Variants in ADAM17 observed in about 807,000 individuals in gnomAD.
ADAM17 encodes ADAM metallopeptidase domain 17, also known as disintegrin and metalloproteinase domain-containing protein 17.
ADAM17 carries 39 observed loss-of-function variants against 96.7 expected under a neutral mutation model. The observed-to-expected ratio is 0.40, with a 90% CI of 0.31 to 0.53. ADAM17 has a LOEUF of 0.53. Among genes scored for constraint, ADAM17 ranks in the 20% least tolerant of loss-of-function variants. The pLI, the probability that ADAM17 is intolerant of heterozygous loss-of-function variation, is 0.44. For synonymous variants in ADAM17, 344 were observed against 359.2 expected, an observed-to-expected ratio of 0.96 and a Z score of 0.48; for missense variants, 777 against 1,013.2, an observed-to-expected ratio of 0.77 and a Z score of 3.17.
intron 12 of ADAM17, among the ~76,000 whole-genome samples, chr2:9,504,586 G>A (rs540778005): frequency 6.6e-6 from 1 of 152,014 alleles, no homozygotes; most frequent in Admixed American, 6.6e-5. Context: ...CCACCGTAGT[G>A]AAACCTCGTC....
rs74537368 is a variant in ADAM17 at position 9,555,440 on chromosome 2, A to T, written c.97+69T>A. 3.0e-4 allele frequency: 404 copies of T among 1,353,924 alleles called. No homozygotes were observed. The African/African-American group carries it at 5.3e-3, about 18-fold the overall frequency. The allele number at this position is 1,353,924 out of a possible 1,614,324, so 83.9% of individuals were successfully genotyped here. ...CCGCCCCCAAACACCTGATAGACCC[A>T]GCTCCCCTGCTCTTCCCTCAAACGA... On this transcript the variant is annotated intron_variant, in intron 1 of 18. Transcript: ENST00000310823.
intron 8 of ADAM17, among the ~76,000 whole-genome samples, chr2:9,520,808 A>G (rs1664274361): frequency 6.6e-6 from 1 of 151,820 alleles, no homozygotes; most frequent in East Asian, 1.9e-4. Context: ...TACTAAAAAT[A>G]CAAAAATTAG....
In ADAM17 at chr2:9,533,715, T is replaced by C. The variant is rs142511671; in HGVS notation, c.450+2119A>G. The stretch of plus-strand genomic sequence containing the variant: ...CAGAGATAAAGTGTTCTAGAATGTA[T>C]TGAACGGAAGGCCATTTCCAAGCCT... On this transcript the variant is annotated intron_variant, in intron 4 of 18. Coordinates refer to ENST00000310823, the MANE Select transcript of ADAM17 (RefSeq NM_003183.6). 1.6e-3 allele frequency among the ~76,000 whole-genome samples: 241 copies of C among 152,330 alleles called. 1 individual carries two copies. The highest frequency in any genetic ancestry group is 5.6e-3 in the African/African-American group (233 of 41,582).
chr2:9,532,186 GT>G (rs1664772468), intron 4 of ADAM17, among the ~76,000 whole-genome samples: 1 of 152,152 alleles, frequency 6.6e-6, no homozygotes, highest in South Asian at 2.1e-4. Flanking sequence ...TAAGATATTA[GT>G]GCAGATAGAC....
chr2:9,509,599 G>A (rs1009683706), intron 11 of ADAM17, among the ~76,000 whole-genome samples: 9 of 152,164 alleles, frequency 5.9e-5, no homozygotes, highest in South Asian at 2.1e-4. Flanking sequence ...TAATAAAAAC[G>A]TGTAAACTGT....
chr2:9,549,947 C>T (rs1025614540), intron 1 of ADAM17, among the ~76,000 whole-genome samples: 2 of 152,134 alleles, frequency 1.3e-5, no homozygotes, highest in African/African-American at 4.8e-5. Context: ...GCATGAAGTA[C>T]GAAAAGTTCC....
chr2:9,538,014 G>GAA (rs1187465025), intron 2 of ADAM17, among the ~76,000 whole-genome samples: 2 of 114,952 alleles, frequency 1.7e-5, no homozygotes, highest in African/African-American at 6.7e-5. Flanking sequence ...AGGGAGGGGA[G>GAA]GAGAGGGGAG....
chr2:9,492,248 C>T (rs1266572653), intron 17 of ADAM17, among the ~76,000 whole-genome samples: 2 of 152,216 alleles, frequency 1.3e-5, no homozygotes, highest in African/African-American at 4.8e-5. Flanking sequence ...GCAGACAAAT[C>T]CCCATTCCCC....
chr2:9,509,213 G>T (rs577531187), intron 11 of ADAM17, among the ~76,000 whole-genome samples: 1 of 152,110 alleles, frequency 6.6e-6, no homozygotes, highest in African/African-American at 2.4e-5. Flanking sequence ...TCTCCCCACC[G>T]ACCCTCTTTA....
chr2:9,552,766 T>C (rs1665623076), intron 1 of ADAM17, among the ~76,000 whole-genome samples: 1 of 152,234 alleles, frequency 6.6e-6, no homozygotes, highest in Non-Finnish European at 1.5e-5. Flanking sequence ...TAAGCTCATA[T>C]GACTCATAAC....
chr2:9,491,248 T>C (rs1662118636), intron 17 of ADAM17, 97 bp from the exon 18 acceptor site: 1 of 1,134,624 alleles, frequency 8.8e-7, no homozygotes, highest in South Asian at 1.5e-5. Context: ...ACTGAAGAAC[T>C]TAGAACCTGA....
At chr2:9,522,357 C>G (rs940025754) in intron 7 of ADAM17, 3 of 537,092 alleles carry the variant, frequency 5.6e-6, no homozygotes, top group African/African-American at 1.9e-5. Flanking sequence ...GGGAAAGGAA[C>G]TGGTTTGACA....
chr2:9,531,112 C>T (rs7422199), intron 4 of ADAM17, among the ~76,000 whole-genome samples: 27,753 of 152,032 alleles, frequency 0.18, 2,676 homozygotes, highest in Middle Eastern at 0.28. Context: ...CGCAAGCCAC[C>T]AAGCCTGGCT....
chr2:9,516,423 G>A (rs1472857112), intron 10 of ADAM17, among the ~76,000 whole-genome samples: 1 of 151,982 alleles, frequency 6.6e-6, no homozygotes, highest in Non-Finnish European at 1.5e-5. Context: ...TCTTTTCTCA[G>A]ATGTGTCTTT....
chr2:9,499,114 T>TTC (rs1662830333), intron 13 of ADAM17, among the ~76,000 whole-genome samples: 1 of 20,772 alleles, frequency 4.8e-5, no homozygotes, highest in African/African-American at 2.2e-3. Context: ...TTTCTTCTTC[T>TTC]TTTTTTTTTT....
Position 9,555,718 on chromosome 2 carries a change from C to T in ADAM17, c.-113G>A, listed in dbSNP as rs993715717. The T allele has an allele frequency of 9.5e-6, 8 of 844,970 alleles. No individual in the cohort carries two copies. The highest frequency in any genetic ancestry group is 1.4e-5 in the Non-Finnish European group (8 of 581,622). The allele number at this position is 844,970 out of a possible 1,614,324, so 52.3% of individuals were successfully genotyped here. A position where few individuals can be genotyped will look rare whatever the true frequency, so the allele number is the denominator to read the frequency against. ...GATCCGCCCGGCCTAGCCCCTCAAT[C>T]CTCTTTTCCCTCCCGCGCCGCCTAC... On this transcript the variant is annotated 5_prime_UTR_variant, in exon 1 of 19. Transcript: ENST00000310823.
intron 4 of ADAM17, among the ~76,000 whole-genome samples, chr2:9,533,349 C>T (rs1572945678): frequency 6.6e-6 from 1 of 152,082 alleles, no homozygotes; most frequent in South Asian, 2.1e-4. Context: ...GAGATCGAGA[C>T]CATCCTGGCC....
At chr2:9,518,899 G>A (rs1025856726) in intron 8 of ADAM17, among the ~76,000 whole-genome samples, 5 of 151,046 alleles carry the variant, frequency 3.3e-5, no homozygotes, top group Non-Finnish European at 5.9e-5. Flanking sequence ...CTTAATTTGG[G>A]GGGGGGGTTT....
chr2:9,522,075 T>G (rs189987213), intron 7 of ADAM17: 31 of 215,240 alleles, frequency 1.4e-4, no homozygotes, highest in Middle Eastern at 1.6e-3. Flanking sequence ...TTATTCCTGT[T>G]TCTTCGACTG....
Sources: allele counts gnomAD v4.1 joint callset (sites outside exome capture counted in the v4.1 genomes callset), GRCh38; gene constraint gnomAD v4.1.1; transcripts MANE v1.5; gene names NCBI Gene and HGNC (gene_info 2026-07-23, HGNC 2026-07-21).